COL8A1: variants seen among roughly 807,000 people sequenced by gnomAD.
COL8A1 encodes the protein collagen type VIII alpha 1 chain.
COL8A1 carries 21 observed loss-of-function variants against 42.7 expected under a neutral mutation model. That is an observed-to-expected ratio of 0.49 (90% CI 0.35 to 0.71). The LOEUF is 0.71. COL8A1 is among the 30% of genes least tolerant of loss of function. The pLI, the probability that COL8A1 is intolerant of heterozygous loss-of-function variation, is 0.01. For missense variants in COL8A1, 788 were observed against 962.4 expected, an observed-to-expected ratio of 0.82 and a Z score of 2.40; for synonymous variants, 367 against 369.1, an observed-to-expected ratio of 0.99 and a Z score of 0.06.
At chr3:99,733,646 T>A (rs1205899089) in intron 1 of COL8A1, among the ~76,000 whole-genome samples, 1 of 151,972 alleles carries the variant, frequency 6.6e-6, no homozygotes, top group East Asian at 1.9e-4. Flanking sequence ...TGATTTATAG[T>A]CCTTTGGGTA....
chr3:99,666,330 C>T lies in COL8A1; in HGVS notation c.-129+27666C>T, dbSNP rs146454658. ...TTTCATCTCTGCTTGCTGCAAGGTC[C>T]TTGAGCTCCTTGAGCTTCAAAATGT... On this transcript the variant is annotated intron_variant, in intron 1 of 3. Coordinates refer to ENST00000652472, the MANE Select transcript of COL8A1 (RefSeq NM_020351.4). Among the ~76,000 whole-genome samples, 13 of 152,220 alleles carry T rather than the reference C, an allele frequency of 8.5e-5. No individual in the cohort carries two copies. In the East Asian group the frequency reaches 2.3e-3, roughly 27 times the overall value.
intron 1 of COL8A1, among the ~76,000 whole-genome samples, chr3:99,733,297 C>T (rs950761293): frequency 2.0e-5 from 3 of 147,408 alleles, no homozygotes; most frequent in South Asian, 2.2e-4. Flanking sequence ...ATCCCTCCCC[C>T]CTCCCCACAC....
At position 99,677,464 on chromosome 3, in the gene COL8A1, T is replaced by A. The variant is rs532317714; in HGVS notation, c.-129+38800T>A. 2.6e-5 allele frequency among the ~76,000 whole-genome samples: 4 copies of A among 152,232 alleles called. No individual in the cohort carries two copies. The East Asian group carries it at 7.7e-4, about 29-fold the overall frequency. ...TTCCACAGAAGCCTTGGTTTTAAAT[T>A]GATTTTATTTACAGGGAGAGTGAAA... On this transcript the variant is annotated intron_variant, in intron 1 of 3. Transcript: ENST00000652472.
At position 99,747,761 on chromosome 3, in the gene COL8A1, T is replaced by C. The variant is rs566909306; in HGVS notation, c.-4+2740T>C. 5.1e-4 allele frequency among the ~76,000 whole-genome samples: 77 copies of C among 152,358 alleles called. 1 individual carries two copies. Among genetic ancestry groups the C allele is most frequent in the Middle Eastern group, 6.8e-3 (2 of 294 alleles). On this transcript the variant is annotated intron_variant, in intron 2 of 3. Transcript: ENST00000652472. ...ACTGTGGCCAAGAAGACCCTTACTG[T>C]TCAATATGGAATTTACTTGTTACTG...
At position 99,796,325 on chromosome 3, in the gene COL8A1, C is replaced by G. The variant is rs182141902; in HGVS notation, c.*189C>G. The G allele has an allele frequency of 1.1e-5, 5 of 474,908 alleles. No homozygotes were observed. In the East Asian group the frequency reaches 1.5e-4, roughly 15 times the overall value. The allele number at this position is 474,908 out of a possible 1,614,324, so 29.4% of individuals were successfully genotyped here. A position where few individuals can be genotyped will look rare whatever the true frequency, so the allele number is the denominator to read the frequency against. On this transcript the variant is annotated 3_prime_UTR_variant, in exon 4 of 4. Transcript: ENST00000652472. ...GCATGTTTAATACTCCACACAGCAG[C>G]CTGTAATTGCGAATGATGGGATAGA...
At position 99,770,882 on chromosome 3, in the gene COL8A1, C is replaced by A. The variant is rs368989664; in HGVS notation, c.-3-19798C>A. Among the ~76,000 whole-genome samples the A allele has an allele frequency of 3.9e-5, 6 of 152,186 alleles. No individual in the cohort carries two copies. The South Asian group carries it at 1.2e-3, about 32-fold the overall frequency. On this transcript the variant is annotated intron_variant, in intron 2 of 3. Transcript: ENST00000652472. ...AGGATAATTTCAGCTATTGAGAATG[C>A]TATGAATGAGGCCATGTGATAGAGA...
intron 2 of COL8A1, among the ~76,000 whole-genome samples, chr3:99,773,546 T>A (rs1302529021): frequency 6.6e-6 from 1 of 152,016 alleles, no homozygotes; most frequent in Non-Finnish European, 1.5e-5. Flanking sequence ...AAACTAACTT[T>A]GTATTAACTT....
rs546171151 is a variant in COL8A1, at chr3:99,748,575, A to G, written c.-4+3554A>G. On this transcript the variant is annotated intron_variant, in intron 2 of 3. Coordinates refer to ENST00000652472, the MANE Select transcript of COL8A1 (RefSeq NM_020351.4). ...ACTTATTAATATGATAATAAAAAAC[A>G]TAAAGTTGATATTTGACTCACATTG... Among the ~76,000 whole-genome samples the G allele has an allele frequency of 7.0e-4, 107 of 152,340 alleles. No homozygotes were observed. In the South Asian group the frequency reaches 0.011, roughly 16 times the overall value.
At chr3:99,669,644 A>G (rs1938481272) in intron 1 of COL8A1, among the ~76,000 whole-genome samples, 1 of 152,082 alleles carries the variant, frequency 6.6e-6, no homozygotes, top group South Asian at 2.1e-4. Flanking sequence ...CTGCCTTTGT[A>G]GTACTAGAAA....
rs190245157 is a variant in COL8A1 at position 99,792,903 on chromosome 3, T to C, written c.329-1327T>C. Among the ~76,000 whole-genome samples the C allele has an allele frequency of 2.9e-3, 444 of 152,344 alleles. 2 individuals are homozygous for C. The highest frequency in any genetic ancestry group is 0.01 in the African/African-American group (418 of 41,572). The stretch of plus-strand genomic sequence containing the variant: ...TCTAAAGGAGAGATGTGGAAAGATG[T>C]TATTGAACCACACAAAAAATAACTC... On this transcript the variant is annotated intron_variant, in intron 3 of 3. Coordinates refer to ENST00000652472, the MANE Select transcript of COL8A1 (RefSeq NM_020351.4).
chr3:99,783,035 C>T (rs527635270), intron 2 of COL8A1, among the ~76,000 whole-genome samples: 7 of 152,220 alleles, frequency 4.6e-5, no homozygotes, highest in Admixed American at 2.6e-4. Context: ...ACTTCAAATA[C>T]GTGAGCTATT....
intron 1 of COL8A1, among the ~76,000 whole-genome samples, chr3:99,700,943 C>A (rs1026655783): frequency 6.6e-6 from 1 of 152,152 alleles, no homozygotes; most frequent in African/African-American, 2.4e-5. Flanking sequence ...TAGTAGCTTC[C>A]CACGTATAGG....
chr3:99,705,296 C>A (rs1939649781), intron 1 of COL8A1, among the ~76,000 whole-genome samples: 1 of 152,116 alleles, frequency 6.6e-6, no homozygotes, highest in South Asian at 2.1e-4. Context: ...TTAAGTAGGC[C>A]TCTGAGGGCC....
intron 1 of COL8A1, among the ~76,000 whole-genome samples, chr3:99,739,328 C>A (rs1184038355): frequency 6.6e-6 from 1 of 152,182 alleles, no homozygotes; most frequent in East Asian, 1.9e-4. Context: ...GTGGATCTAC[C>A]ATTGCGGGGT....
chr3:99,757,131 T>G (rs1379889624), intron 2 of COL8A1, among the ~76,000 whole-genome samples: 2 of 152,208 alleles, frequency 1.3e-5, no homozygotes, highest in African/African-American at 4.8e-5. Flanking sequence ...TCAGCAAATC[T>G]TTGTTGAATA....
At chr3:99,793,174 T>C (rs191507238) in intron 3 of COL8A1, among the ~76,000 whole-genome samples, 3 of 152,256 alleles carry the variant, frequency 2.0e-5, no homozygotes, top group African/African-American at 7.2e-5. Context: ...AAGCCTCAGT[T>C]AGGCAGGAGA....
At chr3:99,640,348 CA>C (rs1937482940) in intron 1 of COL8A1, among the ~76,000 whole-genome samples, 1 of 152,172 alleles carries the variant, frequency 6.6e-6, no homozygotes, top group African/African-American at 2.4e-5. Flanking sequence ...GGGACAAGGC[CA>C]GACCAAGTAT....
chr3:99,794,392 G>C lies in COL8A1; in HGVS notation c.491G>C (p.Gly164Ala). 1 of 1,614,034 alleles carries C rather than the reference G, an allele frequency of 6.2e-7. No homozygotes were observed. Among genetic ancestry groups the C allele is most frequent in the Non-Finnish European group, 8.5e-7 (1 of 1,179,976 alleles). Residue 164 changes from glycine (G) to alanine (A), a missense_variant, in exon 4 of 4, where the codon GGA becomes GCA. This residue lies in a region of COL8A1 where 421 missense variants were observed against 553.1 expected (regional missense o/e 0.76). Transcript: ENST00000652472. The surrounding 1 kb of genome is among the most constrained non-coding windows in gnomAD (Gnocchi z 4.3). The stretch of plus-strand genomic sequence containing the variant: ...GGAGTTGGAAAGCCAGGTATGCCTG[G>C]AATGCCAGGGAAGCCAGGAGCCATG... ...YPGVGKPGMPGMPGKPGAMGM... is the reference protein window; with the variant it reads ...YPGVGKPGMPAMPGKPGAMGM...
At chr3:99,742,687 ACT>A (rs1940927639) in intron 1 of COL8A1, among the ~76,000 whole-genome samples, 2 of 152,172 alleles carry the variant, frequency 1.3e-5, no homozygotes, top group Non-Finnish European at 2.9e-5. Flanking sequence ...AGGCATCTTC[ACT>A]GTTTTTTCTC....
Sources: gnomAD v4.1 joint callset for allele counts (sites outside exome capture counted in the v4.1 genomes callset) on GRCh38, gnomAD v4.1.1 for gene constraint, gnomAD v4.1.1 regional missense constraint, Gnocchi (gnomAD v3.1) non-coding constraint, MANE v1.5 for transcripts, NCBI Gene and HGNC (gene_info 2026-07-23, HGNC 2026-07-21) for gene names.